Variants in AGK observed in about 807,000 individuals in gnomAD.
The protein encoded by AGK is acylglycerol kinase, also known as acylglycerol kinase, mitochondrial.
A neutral mutation model predicts 66.4 loss-of-function variants in AGK; 52 were observed. The observed-to-expected ratio is 0.78, with a 90% CI of 0.63 to 0.99. AGK has a LOEUF of 0.99. Ranked by LOEUF, AGK falls within the 50% of genes least tolerant of loss-of-function variation. AGK has a pLI of 0.00. For synonymous variants in AGK, 182 were observed against 181.1 expected, an observed-to-expected ratio of 1.00 and a Z score of -0.04; for missense variants, 451 against 506.6, an observed-to-expected ratio of 0.89 and a Z score of 1.05.
At chr7:141,643,350 T>G (rs1797331590) in intron 13 of AGK, among the ~76,000 whole-genome samples, 1 of 152,068 alleles carries the variant, frequency 6.6e-6, no homozygotes, top group Non-Finnish European at 1.5e-5. Context: ...AAAATAGAAG[T>G]TTGAAGTTAA....
At position 141,646,627 on chromosome 7, in the gene AGK, C is replaced by T. The variant is rs1212661426; in HGVS notation, c.976-2636C>T. On this transcript the variant is annotated intron_variant, in intron 13 of 15. Coordinates refer to ENST00000649286, the MANE Select transcript of AGK (RefSeq NM_018238.4). Reference sequence around the variant, plus strand: ...GACTATCCTGCTGCCTGTATTTGTACAGCCTTGAAGCTAACAATATTTTTT... The same window carrying T: ...GACTATCCTGCTGCCTGTATTTGTATAGCCTTGAAGCTAACAATATTTTTT... 3.3e-5 allele frequency among the ~76,000 whole-genome samples: 5 copies of T among 152,164 alleles called. No individual in the cohort carries two copies. The South Asian group carries it at 6.2e-4, about 19-fold the overall frequency.
At chr7:141,556,289 G>T (rs567876219) in intron 2 of AGK, among the ~76,000 whole-genome samples, 2 of 152,230 alleles carry the variant, frequency 1.3e-5, no homozygotes, top group Admixed American at 1.3e-4. Flanking sequence ...GCTCATGCCT[G>T]TAACTCCAGC....
chr7:141,594,192 T>G (rs1031811070), intron 3 of AGK: 2 of 152,196 alleles, frequency 1.3e-5, no homozygotes, highest in Admixed American at 6.5e-5. Flanking sequence ...AATATTAAAT[T>G]AAAGGTGATC....
In AGK at chr7:141,654,651, C is replaced by G. The variant is rs1281012894; in HGVS notation, c.*1727C>G. On this transcript the variant is annotated 3_prime_UTR_variant, in exon 16 of 16. Transcript: ENST00000649286. ...GTTCAGTGGCCCTGAGGTTCTTACA[C>G]TCTAGGGGGCAGTGCACCACAGGAA... 6.6e-6 allele frequency: 1 copy of G among 152,208 alleles called. No individual in the cohort carries two copies. The highest frequency in any genetic ancestry group is 1.5e-5 in the Non-Finnish European group (1 of 68,050). The allele number at this position is 152,208 out of a possible 1,614,324, so 9.4% of individuals were successfully genotyped here.
rs1562989252 is a variant in AGK, at chr7:141,653,764, CATCTAAGTTGATATCTAAAATTTT to C, written c.*851_*874del. 6.6e-6 allele frequency: 1 copy of C among 152,198 alleles called. No homozygotes were observed. The highest frequency in any genetic ancestry group is 1.5e-5 in the Non-Finnish European group (1 of 68,026). The allele number at this position is 152,198 out of a possible 1,614,324, so 9.4% of individuals were successfully genotyped here. ...TTGAAAAATCATGTATACCCTCACC[CATCTAAGTTGATATCTAAAATTTT>C]ATCTAAGTTGGTATCTAAAATTTTT... On this transcript the variant is annotated 3_prime_UTR_variant, in exon 16 of 16. Transcript: ENST00000649286.
chr7:141,567,539 C>T (rs1442566315), intron 2 of AGK, among the ~76,000 whole-genome samples: 1 of 152,142 alleles, frequency 6.6e-6, no homozygotes, highest in African/African-American at 2.4e-5. Context: ...AATTTCCCCT[C>T]AGCAGGTTGC....
At chr7:141,578,304 T>C (rs1340096918) in intron 2 of AGK, among the ~76,000 whole-genome samples, 2 of 151,730 alleles carry the variant, frequency 1.3e-5, no homozygotes, top group East Asian at 3.9e-4. Flanking sequence ...GGGGGAGCTT[T>C]TGAGCCAAGA....
At position 141,633,992 on chromosome 7, in the gene AGK, C is replaced by A; in HGVS notation, c.668+12C>A. ...GTCAAAGTTAGCAAGTAAAGGATTA[C>A]TATATTGATGTGTGATGTTTTTTAA... On this transcript the variant is annotated intron_variant, in intron 10 of 15. Transcript: ENST00000649286. 6.2e-7 allele frequency: 1 copy of A among 1,604,314 alleles called. No homozygotes were observed. Among genetic ancestry groups the A allele is most frequent in the Non-Finnish European group, 8.5e-7 (1 of 1,171,152 alleles).
chr7:141,603,410 T>C (rs1288759892), intron 5 of AGK, among the ~76,000 whole-genome samples: 2 of 152,244 alleles, frequency 1.3e-5, no homozygotes, highest in Admixed American at 1.3e-4. Context: ...TACTGCCTTT[T>C]GTGATAGTCT....
chr7:141,597,848 G>T (rs570310239), intron 4 of AGK, among the ~76,000 whole-genome samples: 1 of 128,662 alleles, frequency 7.8e-6, no homozygotes, highest in Non-Finnish European at 1.5e-5. Flanking sequence ...CCATGATCGC[G>T]CAACTGCAGT....
At chr7:141,617,921 C>T (rs553630186) in intron 8 of AGK, among the ~76,000 whole-genome samples, 20 of 152,140 alleles carry the variant, frequency 1.3e-4, no homozygotes, top group Non-Finnish European at 2.9e-4. Flanking sequence ...TGCTTACTTT[C>T]TCCTACACTG....
chr7:141,613,734 T>A (rs908806451), intron 6 of AGK, among the ~76,000 whole-genome samples: 1 of 152,230 alleles, frequency 6.6e-6, no homozygotes, highest in African/African-American at 2.4e-5. Flanking sequence ...TTCATATTTG[T>A]CAATAAGAAC....
At chr7:141,650,758 C>A in intron 14 of AGK, 2 of 847,866 alleles carry the variant, frequency 2.4e-6, no homozygotes, top group Non-Finnish European at 2.8e-6. Flanking sequence ...AGTCATCCCA[C>A]GGTATCCTTG....
chr7:141,608,732 C>T (rs1396789367), intron 5 of AGK, among the ~76,000 whole-genome samples: 1 of 152,194 alleles, frequency 6.6e-6, no homozygotes, highest in Non-Finnish European at 1.5e-5. Context: ...CATCCACTTA[C>T]TTGTTTTCTA....
At chr7:141,626,614 A>G (rs1191014890) in intron 9 of AGK, among the ~76,000 whole-genome samples, 1 of 152,220 alleles carries the variant, frequency 6.6e-6, no homozygotes, top group Non-Finnish European at 1.5e-5. Flanking sequence ...TTGCTGCACA[A>G]AGTGTTAACT....
intron 2 of AGK, among the ~76,000 whole-genome samples, chr7:141,585,318 T>C (rs1490878181): frequency 1.3e-5 from 2 of 152,152 alleles, no homozygotes; most frequent in Non-Finnish European, 1.5e-5. Context: ...CTATGCAATA[T>C]ATAGTTTAGA....
intron 2 of AGK, among the ~76,000 whole-genome samples, chr7:141,569,072 G>A (rs906386343): frequency 6.6e-6 from 1 of 152,088 alleles, no homozygotes; most frequent in South Asian, 2.1e-4. Flanking sequence ...TCCAAACATA[G>A]GAACATTAAT....
intron 5 of AGK, among the ~76,000 whole-genome samples, chr7:141,604,080 A>G (rs1796397245): frequency 6.6e-6 from 1 of 152,050 alleles, no homozygotes; most frequent in Non-Finnish European, 1.5e-5. Context: ...TGTACATTAC[A>G]TATACAGAAA....
intron 2 of AGK, among the ~76,000 whole-genome samples, chr7:141,585,382 AT>A (rs1795975515): frequency 6.6e-6 from 1 of 152,126 alleles, no homozygotes; most frequent in Admixed American, 6.5e-5. Flanking sequence ...CTTTGCTCCC[AT>A]TTCTTTCATT....
Sources: allele counts gnomAD v4.1 joint callset (sites outside exome capture counted in the v4.1 genomes callset), GRCh38; gene constraint gnomAD v4.1.1; transcripts MANE v1.5; gene names NCBI Gene and HGNC (gene_info 2026-07-23, HGNC 2026-07-21).